Variants in UGT3A1 observed in about 807,000 individuals in gnomAD.
UGT3A1 encodes the protein UDP-glycosyltransferase 3A1.
UGT3A1 carries 40 observed loss-of-function variants against 37.6 expected under a neutral mutation model. The ratio of observed to expected loss-of-function variants is 1.06; its 90% CI spans 0.83 to 1.38. The LOEUF is 1.38. Among genes scored for constraint, UGT3A1 ranks in the 40% most tolerant of loss-of-function variants. The pLI is 0.00. For missense variants in UGT3A1, 642 were observed against 634.2 expected, an observed-to-expected ratio of 1.01 and a Z score of -0.13; for synonymous variants, 256 against 232.3, an observed-to-expected ratio of 1.10 and a Z score of -0.93.
intron 2 of UGT3A1, among the ~76,000 whole-genome samples, chr5:35,984,024 T>C (rs1480364265): frequency 6.6e-6 from 1 of 152,168 alleles, no homozygotes; most frequent in Non-Finnish European, 1.5e-5. Flanking sequence ...ACTACTTTTA[T>C]TCAACATCAT....
At position 35,954,345 on chromosome 5, in the gene UGT3A1, G is replaced by T; in HGVS notation, c.1429C>A (p.Gln477Lys). ...GATHLKPYAF[Q>K]QPWHEQYLID... ...AGGTACTGCTCATGCCAAGGCTGCT[G>T]GAAGGCATAGGGCTTGAGGTGCGTC... Residue 477 changes from glutamine to lysine, a missense_variant, in exon 7 of 7, where the codon CAG becomes AAG. Gln to Lys is a moderately conservative substitution (Grantham distance 53). Coordinates refer to ENST00000274278, the MANE Select transcript of UGT3A1 (RefSeq NM_152404.4). 3.7e-6 allele frequency: 6 copies of T among 1,614,208 alleles called. No individual in the cohort carries two copies. The highest frequency in any genetic ancestry group is 5.1e-6 in the Non-Finnish European group (6 of 1,180,044).
intron 2 of UGT3A1, among the ~76,000 whole-genome samples, chr5:35,972,367 GA>G (rs950248031): frequency 4.5e-4 from 68 of 149,716 alleles, no homozygotes; most frequent in African/African-American, 1.4e-3. Flanking sequence ...TTTCCCAGAG[GA>G]AAAAAAAAAT....
At chr5:35,985,118 C>T (rs955134230) in intron 2 of UGT3A1, among the ~76,000 whole-genome samples, 10 of 125,390 alleles carry the variant, frequency 8.0e-5, no homozygotes, top group South Asian at 8.0e-4. Flanking sequence ...ATAATAGCTA[C>T]AAAAAATATA....
intron 1 of UGT3A1, among the ~76,000 whole-genome samples, chr5:35,998,423 T>C (rs946518145): frequency 2.6e-5 from 4 of 152,222 alleles, no homozygotes; most frequent in African/African-American, 7.2e-5. Context: ...TGTGCTGCAT[T>C]CTCTGGATAC....
intron 2 of UGT3A1, among the ~76,000 whole-genome samples, chr5:35,982,564 C>A (rs572460145): frequency 6.6e-6 from 1 of 152,372 alleles, no homozygotes; most frequent in East Asian, 1.9e-4. Flanking sequence ...TGCCTATCCT[C>A]TCATGGTATC....
In UGT3A1 at chr5:35,957,879, G is replaced by C. The variant is rs566232731; in HGVS notation, c.844-460C>G. ...TGGAGTATTCTCTAAATTTCTATTA[G>C]GTCCAGTTGGTTTATGATGGTGTTC... On this transcript the variant is annotated intron_variant, in intron 4 of 6. Coordinates refer to ENST00000274278, the MANE Select transcript of UGT3A1 (RefSeq NM_152404.4). Among the ~76,000 whole-genome samples, 4 of 152,204 alleles carry C rather than the reference G, an allele frequency of 2.6e-5. No homozygotes were observed. The East Asian group carries it at 7.7e-4, about 29-fold the overall frequency.
intron 2 of UGT3A1, among the ~76,000 whole-genome samples, chr5:35,986,212 G>A (rs567271583): frequency 6.6e-6 from 1 of 152,126 alleles, no homozygotes; most frequent in Non-Finnish European, 1.5e-5. Flanking sequence ...CAAGAAAGGG[G>A]AACCCTCATA....
Position 35,954,170 on chromosome 5 carries a change from T to G in UGT3A1, c.*32A>C. 6.2e-7 allele frequency: 1 copy of G among 1,602,142 alleles called. No individual in the cohort carries two copies. Among genetic ancestry groups the G allele is most frequent in the Non-Finnish European group, 8.5e-7 (1 of 1,173,282 alleles). ...GGGAGAACCTTCAAAGGACCAGGGA[T>G]GCCCTCCCCTCACCCAAGGCTACAC... On this transcript the variant is annotated 3_prime_UTR_variant, in exon 7 of 7. Coordinates refer to ENST00000274278, the MANE Select transcript of UGT3A1 (RefSeq NM_152404.4).
intron 3 of UGT3A1, 149 bp downstream of exon 3, chr5:35,967,870 T>C (rs377181462): frequency 3.0e-6 from 2 of 660,834 alleles, no homozygotes; most frequent in South Asian, 3.6e-5. Context: ...CATCTATCCA[T>C]TCATCCACTC....
chr5:35,970,983 A>G (rs563924017), intron 2 of UGT3A1, among the ~76,000 whole-genome samples: 4 of 152,040 alleles, frequency 2.6e-5, no homozygotes, highest in African/African-American at 7.3e-5. Flanking sequence ...ATACTTTGCA[A>G]TCATAGATTT....
rs1740429892 is a variant in UGT3A1 at position 35,979,427 on chromosome 5, CT to C, written c.196+9022del. On this transcript the variant is annotated intron_variant, in intron 2 of 6. Transcript: ENST00000274278. ...TCTTCCACCAGATACCCTAAATCAT[CT>C]CCCTCAAGTTCAAAGTTCCACAAAT... is the stretch of plus-strand genomic sequence containing the variant. Among the ~76,000 whole-genome samples the C allele has an allele frequency of 2.0e-5, 3 of 152,174 alleles. No individual in the cohort carries two copies. In the South Asian group the frequency reaches 6.2e-4, roughly 32 times the overall value.
chr5:35,952,037 G>A lies in UGT3A1; in HGVS notation c.*2165C>T, dbSNP rs1359425916. On this transcript the variant is annotated 3_prime_UTR_variant, in exon 7 of 7. Transcript: ENST00000274278. ...GAAACAGATATTGTAATAAATAATT[G>A]CGATATAGTAAGAAAAATGCTTCAA... The A allele has an allele frequency of 6.6e-6, 1 of 152,130 alleles. No homozygotes were observed. The highest frequency in any genetic ancestry group is 1.5e-5 in the Non-Finnish European group (1 of 68,026). 9.4% of individuals were successfully genotyped at this position (152,130 alleles called of 1,614,324 possible).
At chr5:35,970,898 T>TG (rs760454652) in intron 2 of UGT3A1, among the ~76,000 whole-genome samples, 155 of 152,352 alleles carry the variant, frequency 1.0e-3, no homozygotes, top group Non-Finnish European at 1.7e-3. Flanking sequence ...ACAGCCTTAA[T>TG]GCCAGGATCC....
chr5:35,986,929 C>T (rs577864615), intron 2 of UGT3A1, among the ~76,000 whole-genome samples: 5 of 152,144 alleles, frequency 3.3e-5, no homozygotes, highest in East Asian at 1.9e-4. Flanking sequence ...TTATCACATG[C>T]ACCCTGAAAA....
At chr5:35,973,367 G>A (rs1740130341) in intron 2 of UGT3A1, among the ~76,000 whole-genome samples, 3 of 152,184 alleles carry the variant, frequency 2.0e-5, no homozygotes, top group Non-Finnish European at 4.4e-5. Flanking sequence ...GAGTATGTGA[G>A]GTAATGGTGA....
chr5:35,997,979 T>C (rs1388459701), intron 1 of UGT3A1, among the ~76,000 whole-genome samples: 1 of 152,218 alleles, frequency 6.6e-6, no homozygotes, highest in Non-Finnish European at 1.5e-5. Context: ...GCTTTCCCCA[T>C]GCCTGTCACT....
intron 4 of UGT3A1, among the ~76,000 whole-genome samples, chr5:35,960,347 A>T (rs1320699199): frequency 3.9e-5 from 6 of 152,242 alleles, no homozygotes; most frequent in Non-Finnish European, 7.3e-5. Context: ...GGACCAGTGG[A>T]ATAGAAGACT....
chr5:35,969,018 TGG>T (rs1739930426), intron 2 of UGT3A1, among the ~76,000 whole-genome samples: 1 of 152,202 alleles, frequency 6.6e-6, no homozygotes, highest in African/African-American at 2.4e-5. Flanking sequence ...GCATGAGCTG[TGG>T]TTGACAGTAA....
rs1165812756 is a variant in UGT3A1, at chr5:35,951,566, T to C, written c.*2636A>G. 6.6e-6 allele frequency: 1 copy of C among 152,232 alleles called. No homozygotes were observed. 9.4% of individuals were successfully genotyped at this position (152,232 alleles called of 1,614,324 possible). On this transcript the variant is annotated 3_prime_UTR_variant, in exon 7 of 7. Transcript: ENST00000274278. ...TATGTATCATAGGTTCTTTCTTCAA[T>C]TTTAATAGTTCTTAGTTTATCAGAA...
Sources: allele counts gnomAD v4.1 joint callset (sites outside exome capture counted in the v4.1 genomes callset), GRCh38; gene constraint gnomAD v4.1.1; transcripts MANE v1.5; gene names NCBI Gene and HGNC (gene_info 2026-07-23, HGNC 2026-07-21).